The following SLCO1A2 variants were observed in gnomAD, a reference collection of about 807,000 sequenced individuals.
The protein encoded by SLCO1A2 is solute carrier organic anion transporter family member 1A2, also known as OATP-1.
In SLCO1A2, 67 loss-of-function variants were observed where a neutral mutation model predicts 69.0. The observed-to-expected ratio is 0.97, with a 90% confidence interval of 0.80 to 1.19. The LOEUF is 1.19. Ranked by LOEUF, SLCO1A2 falls within the 50% of genes most tolerant of loss-of-function variation. The probability of loss-of-function intolerance (pLI) is 0.00; values close to 1 mark genes in which losing one functional copy is unlikely to be tolerated. For missense variants in SLCO1A2, 787 were observed against 793.7 expected, an observed-to-expected ratio of 0.99 and a Z score of 0.10; for synonymous variants, 260 against 265.9, an observed-to-expected ratio of 0.98 and a Z score of 0.22.
chr12:21,303,477 A>G (rs1948973448), intron 6 of SLCO1A2, among the ~76,000 whole-genome samples: 1 of 152,182 alleles, frequency 6.6e-6, no homozygotes, highest in African/African-American at 2.4e-5. Context: ...ATTTTCATCC[A>G]TCTGGATTAT....
intron 14 of SLCO1A2, 117 bp from the exon 15 acceptor site, chr12:21,269,884 T>C: frequency 1.6e-6 from 1 of 617,306 alleles, no homozygotes; most frequent in Non-Finnish European, 2.5e-6. Context: ...TTTTGCATGC[T>C]GATCTTATAT....
At position 21,292,381 on chromosome 12, in the gene SLCO1A2, C is replaced by A. The variant is rs200089219; in HGVS notation, c.1438-45G>T. On this transcript the variant is annotated intron_variant, in intron 11 of 14. Coordinates refer to ENST00000683939, the MANE Select transcript of SLCO1A2 (RefSeq NM_001386879.1). ...TATACTAAGAAGTAAAAATCTTGAA[C>A]ACAAATTTTAAACATTTTCTACACA... is the stretch of plus-strand genomic sequence containing the variant. The A allele has an allele frequency of 1.9e-5, 29 of 1,519,602 alleles. No individual in the cohort carries two copies. The African/African-American group carries it at 3.6e-4, about 19-fold the overall frequency. The allele number at this position is 1,519,602 out of a possible 1,614,324, so 94.1% of individuals were successfully genotyped here.
At chr12:21,302,239 T>C (rs996901891) in intron 6 of SLCO1A2, among the ~76,000 whole-genome samples, 6 of 152,106 alleles carry the variant, frequency 3.9e-5, no homozygotes, top group Non-Finnish European at 7.4e-5. Flanking sequence ...CTCCTCCAAA[T>C]ACTCTCAGGT....
chr12:21,402,758 G>A (rs1941747489), intron 1 of SLCO1A2, among the ~76,000 whole-genome samples: 1 of 152,068 alleles, frequency 6.6e-6, no homozygotes, highest in East Asian at 1.9e-4. Context: ...TGTGACTAAG[G>A]GTTGTGGGGG....
In SLCO1A2 at chr12:21,269,532, T is replaced by C. The variant is rs374217911; in HGVS notation, c.*16A>G. 8.3e-5 allele frequency: 131 copies of C among 1,569,312 alleles called. No individual in the cohort carries two copies. The highest frequency in any genetic ancestry group is 1.1e-4 in the Non-Finnish European group (128 of 1,143,026). On this transcript the variant is annotated 3_prime_UTR_variant, in exon 15 of 15. Transcript: ENST00000683939. ...GCATGTTCTCTAATTCTGAAAAAAG[T>C]AATATAATAGGACAATTACAATTTA... is the stretch of plus-strand genomic sequence containing the variant.
In SLCO1A2 at chr12:21,272,131, G is replaced by C. The variant is rs566992721; in HGVS notation, c.1793+2338C>G. Among the ~76,000 whole-genome samples the C allele has an allele frequency of 2.6e-5, 4 of 151,656 alleles. No individual in the cohort carries two copies. In the South Asian group the frequency reaches 8.3e-4, roughly 31 times the overall value. ...TCCATTGCATTGTGAACAGAAAACAGGATTTATGTGGTATCAATACTTTTT... is the reference window on the plus strand; with the variant it reads ...TCCATTGCATTGTGAACAGAAAACACGATTTATGTGGTATCAATACTTTTT... On this transcript the variant is annotated intron_variant, in intron 14 of 14. Transcript: ENST00000683939.
intron 1 of SLCO1A2, among the ~76,000 whole-genome samples, chr12:21,381,234 CAGAATCGG>C (rs1313105100): frequency 1.3e-5 from 2 of 152,182 alleles, no homozygotes; most frequent in Middle Eastern, 3.4e-3. Flanking sequence ...AGACAACCCA[CAGAATCGG>C]AGAAAATATT....
chr12:21,301,279 A>G lies in SLCO1A2; in HGVS notation c.590-10T>C, dbSNP rs756281940. ...CCTGTTTCTACAAGCCCTAAAAATA[A>G]ATAAAAGTATAAGGTTATAGTACAG... On this transcript the variant is annotated splice_polypyrimidine_tract_variant and intron_variant, in intron 6 of 14. Transcript: ENST00000683939. 3 of 1,586,080 alleles carry G rather than the reference A, an allele frequency of 1.9e-6. No homozygotes were observed. The African/African-American group carries it at 4.0e-5, about 21-fold the overall frequency.
chr12:21,292,155 A>G lies in SLCO1A2; in HGVS notation c.1610+9T>C, dbSNP rs1445224004. On this transcript the variant is annotated intron_variant, in intron 12 of 14. Transcript: ENST00000683939. The stretch of plus-strand genomic sequence containing the variant: ...CAAAAAAATATAAATAAAGAAAATA[A>G]TTTTGTACCTCAAGAGAACCATATA... 1.3e-6 allele frequency: 2 copies of G among 1,530,286 alleles called. No individual in the cohort carries two copies. Among genetic ancestry groups the G allele is most frequent in the African/African-American group, 1.4e-5 (1 of 70,750 alleles). The allele number at this position is 1,530,286 out of a possible 1,614,324, so 94.8% of individuals were successfully genotyped here.
At chr12:21,376,840 A>G (rs931477121) in intron 1 of SLCO1A2, among the ~76,000 whole-genome samples, 4 of 152,110 alleles carry the variant, frequency 2.6e-5, no homozygotes, top group East Asian at 3.9e-4. Flanking sequence ...TTTTAGCCCT[A>G]TAACTATTTC....
At chr12:21,356,277 T>A (rs1302343735) in intron 2 of SLCO1A2, among the ~76,000 whole-genome samples, 1 of 151,978 alleles carries the variant, frequency 6.6e-6, no homozygotes, top group African/African-American at 2.4e-5. Context: ...TATGGAATAA[T>A]TATCATTATT....
rs1226269628 is a variant in SLCO1A2, at chr12:21,391,679, T to G, written c.-190+3227A>C. Among the ~76,000 whole-genome samples the G allele has an allele frequency of 1.3e-5, 2 of 152,060 alleles. 1 individual carries two copies. The highest frequency in any genetic ancestry group is 2.9e-5 in the Non-Finnish European group (2 of 68,014). ...AATTCATTTTATAGGTCCATTTTTT[T>G]TAAATTCCACTGACACTGTAATCTC... On this transcript the variant is annotated intron_variant, in intron 1 of 15. Coordinates refer to the SLCO1A2 transcript ENST00000307378.
At chr12:21,402,100 T>A in intron 1 of SLCO1A2, among the ~76,000 whole-genome samples, 1 of 146,038 alleles carries the variant, frequency 6.8e-6, no homozygotes, top group Non-Finnish European at 1.5e-5. Flanking sequence ...AAAATAAGAG[T>A]AATGTTAGGT....
At chr12:21,416,483 G>A (rs886092460) in intron 1 of SLCO1A2, among the ~76,000 whole-genome samples, 17 of 151,726 alleles carry the variant, frequency 1.1e-4, no homozygotes, top group African/African-American at 4.1e-4. Context: ...TCATTAGGAG[G>A]ATTTTTTTTT....
upstream of SLCO1A2, among the ~76,000 whole-genome samples, chr12:21,396,765 C>A (rs1361830810): frequency 6.6e-6 from 1 of 151,914 alleles, no homozygotes; most frequent in African/African-American, 2.4e-5. Flanking sequence ...TCATATCCAG[C>A]CAAACTAAGC....
At position 21,269,565 on chromosome 12, in the gene SLCO1A2, A is replaced by C; in HGVS notation, c.1996T>G (p.Leu666Val). 1 of 1,610,706 alleles carries C rather than the reference A, an allele frequency of 6.2e-7. No individual in the cohort carries two copies. The highest frequency in any genetic ancestry group is 1.1e-5 in the South Asian group (1 of 90,846). ...QKSTVLKDDE[L>V]KTKL is the part of the protein sequence containing the mutation. ...TAGGACAATTACAATTTAGTTTTCA[A>C]TTCATCATCTTTCAAAACCGTGGAC... The change falls in exon 15 of 15, where the codon TTG becomes GTG. Residue 666 changes from leucine to valine, a missense_variant. Transcript: ENST00000683939.
rs192573749 is a variant in SLCO1A2, at chr12:21,362,190, G to A, written c.-63+12209C>T. ...AAGGGAAGCCCATTAGACTAACAGT[G>A]AGCGGGTCTCTCGGCAGAAACTCTA... On this transcript the variant is annotated intron_variant, in intron 2 of 15. Transcript: ENST00000307378. 2.2e-4 allele frequency among the ~76,000 whole-genome samples: 33 copies of A among 152,222 alleles called. No homozygotes were observed. The Middle Eastern group carries it at 0.01, about 47-fold the overall frequency.
chr12:21,405,688 G>A (rs1232656134), intron 1 of SLCO1A2, among the ~76,000 whole-genome samples: 1 of 152,128 alleles, frequency 6.6e-6, no homozygotes, highest in Non-Finnish European at 1.5e-5. Context: ...AATGGTGCTG[G>A]GAGAACTGGC....
chr12:21,399,906 C>A (rs1248558658), upstream of SLCO1A2, among the ~76,000 whole-genome samples: 1 of 150,860 alleles, frequency 6.6e-6, no homozygotes, highest in Admixed American at 6.6e-5. Context: ...AACGTTAGAC[C>A]TAAAACCATA....
Sources: gnomAD v4.1 joint callset for allele counts (sites outside exome capture counted in the v4.1 genomes callset) on GRCh38, gnomAD v4.1.1 for gene constraint, MANE v1.5 for transcripts, NCBI Gene and HGNC (gene_info 2026-07-23, HGNC 2026-07-21) for gene names.